The following PCYT2 variants were observed in gnomAD, a reference collection of about 807,000 sequenced individuals.
The protein encoded by PCYT2 is phosphate cytidylyltransferase 2, ethanolamine.
In PCYT2, 33 loss-of-function variants were observed where a neutral mutation model predicts 50.0. The observed-to-expected ratio is 0.66, with a 90% CI of 0.50 to 0.88. PCYT2 has a LOEUF of 0.88. Among genes scored for constraint, PCYT2 ranks in the 40% least tolerant of loss-of-function variants. PCYT2 has a pLI of 0.00. For missense variants in PCYT2, 430 were observed against 519.7 expected (o/e 0.83, Z 1.68); for synonymous variants, 240 against 203.7 (o/e 1.18, Z -1.52).
At position 81,907,760 on chromosome 17, in the gene PCYT2, G is replaced by A. The variant is rs755913846; in HGVS notation, c.492+13C>T. 2.2e-5 allele frequency: 36 copies of A among 1,612,012 alleles called. No individual in the cohort carries two copies. The highest frequency in any genetic ancestry group is 3.3e-5 in the Admixed American group (2 of 59,990). ...TCGACCCAGGGGCCTCGGGGATTCCGCCGCCGACTCACCTGGCTGCTGTGA... is the reference window on the plus strand; with the variant it reads ...TCGACCCAGGGGCCTCGGGGATTCCACCGCCGACTCACCTGGCTGCTGTGA... On this transcript the variant is annotated intron_variant, in intron 5 of 12. Transcript: ENST00000538936.
chr17:81,906,660 A>G, intron 7 of PCYT2, 100 bp downstream of exon 7: 2 of 1,584,172 alleles, frequency 1.3e-6, no homozygotes, highest in Non-Finnish European at 1.7e-6. Flanking sequence ...TCCCCTGCAA[A>G]CCAGCCAGCC....
At chr17:81,909,361 T>G in intron 2 of PCYT2, 153 bp downstream of exon 2, 1 of 1,434,424 alleles carries the variant, frequency 7.0e-7, no homozygotes, top group Non-Finnish European at 9.2e-7. Context: ...CATTAGGCCA[T>G]CCTCAGCTGG....
In PCYT2 at chr17:81,907,482, A is replaced by G. The variant is rs1005963386; in HGVS notation, c.537+72T>C. The stretch of plus-strand genomic sequence containing the variant: ...CTCTGGGCTGGCCTTTCCCCAAGGG[A>G]TGGCTGGGACAGGTGGCCGGGGGAG... On this transcript the variant is annotated intron_variant, in intron 6 of 12. Transcript: ENST00000538936. 8 of 1,496,854 alleles carry G rather than the reference A, an allele frequency of 5.3e-6. No individual in the cohort carries two copies. The Middle Eastern group carries it at 8.5e-4, about 160-fold the overall frequency. 92.7% of individuals were successfully genotyped at this position (1,496,854 alleles called of 1,614,324 possible). A position where few individuals can be genotyped will look rare whatever the true frequency, so the allele number is the denominator to read the frequency against.
At position 81,911,284 on chromosome 17, in the gene PCYT2, C is replaced by T. The variant is rs1324032134; in HGVS notation, c.72G>A (p.Arg24=). The part of the protein sequence containing the change: ...QPGPGGRRAV[R]VWCDGCYDMV... ...GCGCTCACCAGCCATCGCACCACAC[C>T]CTCACGGCGCGCCTGCCCCCCGGGC... Residue 24 remains arginine (R), a synonymous_variant, in exon 1 of 13, where the codon AGG becomes AGA. Transcript: ENST00000538936. 77 of 1,133,958 alleles carry T rather than the reference C, an allele frequency of 6.8e-5. No individual in the cohort carries two copies. Among genetic ancestry groups the T allele is most frequent in the Non-Finnish European group, 8.3e-5 (76 of 912,996 alleles). The allele number at this position is 1,133,958 out of a possible 1,614,324, so 70.2% of individuals were successfully genotyped here. A position where few individuals can be genotyped will look rare whatever the true frequency, so the allele number is the denominator to read the frequency against.
In PCYT2 at chr17:81,905,070, T is replaced by G. The variant is rs1209858043; in HGVS notation, c.1054A>C (p.Asn352His). ...GGTGCCCCCACCCAACTGCACCTGT[T>G]GGTGATGATCCGCTGGACGATGAGG... ...TDLIVQRIIT[N>H]RLEYEARNQK... Residue 352 changes from asparagine to histidine, a missense_variant, in exon 12 of 13, where the codon AAC becomes CAC. Coordinates refer to ENST00000538936, the MANE Select transcript of PCYT2 (RefSeq NM_002861.5). 1 of 1,610,810 alleles carries G rather than the reference T, an allele frequency of 6.2e-7. No individual in the cohort carries two copies. The highest frequency in any genetic ancestry group is 1.1e-5 in the South Asian group (1 of 90,956).
chr17:81,902,017 T>C lies in PCYT2; in HGVS notation c.*2816A>G. ...CCGGGCCTGAAGGGCGCGAGCGGCA[T>C]GGGTGGGGAGCTTGAGGGGGCGTTG... is the stretch of plus-strand genomic sequence containing the variant. On this transcript the variant is annotated 3_prime_UTR_variant, in exon 13 of 13. Coordinates refer to ENST00000538936, the MANE Select transcript of PCYT2 (RefSeq NM_002861.5). The C allele has an allele frequency of 4.0e-6, 1 of 250,936 alleles. No individual in the cohort carries two copies. The allele number at this position is 250,936 out of a possible 1,614,324, so 15.5% of individuals were successfully genotyped here.
chr17:81,902,821 G>A lies in PCYT2; in HGVS notation c.*2012C>T, dbSNP rs1210664706. On this transcript the variant is annotated 3_prime_UTR_variant, in exon 13 of 13. Transcript: ENST00000538936. ...CCACTCGGTGACCCCAGGCCCCTCC[G>A]GCGCGGGATGGCGCCCCAGGTCTCC... is the stretch of plus-strand genomic sequence containing the variant. The A allele has an allele frequency of 7.4e-7, 1 of 1,352,756 alleles. No homozygotes were observed. Among genetic ancestry groups the A allele is most frequent in the Non-Finnish European group, 9.9e-7 (1 of 1,006,122 alleles). The allele number at this position is 1,352,756 out of a possible 1,614,324, so 83.8% of individuals were successfully genotyped here.
rs918666118 is a variant in PCYT2 at position 81,906,681 on chromosome 17, G to A, written c.676+79C>T. 5.0e-6 allele frequency: 8 copies of A among 1,593,826 alleles called. No individual in the cohort carries two copies. The African/African-American group carries it at 6.7e-5, about 13-fold the overall frequency. On this transcript the variant is annotated intron_variant, in intron 7 of 12. Transcript: ENST00000538936. ...GCAAACCAGCCAGCCCAGTCTGGGG[G>A]CCCCAAGGAGTCAAGTGAGGCCCCC...
In PCYT2 at chr17:81,908,982, C is replaced by T. The variant is rs779175108; in HGVS notation, c.234G>A (p.Lys78=). The change falls in exon 3 of 13, where the codon AAG becomes AAA. Residue 78 remains lysine, a synonymous_variant. Transcript: ENST00000538936. ...PPVFTQEERY[K]MVQAIKWVDE... ...CCACCCATTTGATGGCCTGCACCAT[C>T]TTGTATCTCTCCTCCTGAGTGAACA... 1.9e-6 allele frequency: 3 copies of T among 1,613,968 alleles called. No individual in the cohort carries two copies. Among genetic ancestry groups the T allele is most frequent in the Non-Finnish European group, 2.5e-6 (3 of 1,180,008 alleles).
At chr17:81,907,904 G>T in intron 4 of PCYT2, 47 bp from the exon 5 acceptor site, 1 of 1,488,404 alleles carries the variant, frequency 6.7e-7, no homozygotes, top group Non-Finnish European at 9.2e-7. Context: ...ACACTCGCAA[G>T]GCTCTGCCTC....
intron 9 of PCYT2, 155 bp downstream of exon 9, chr17:81,905,945 A>G (rs1256710810): frequency 1.3e-6 from 1 of 757,302 alleles, no homozygotes; most frequent in Non-Finnish European, 2.2e-6. Context: ...ATGCCTCAAC[A>G]AACAGGTATG....
Position 81,903,293 on chromosome 17 carries a change from A to C in PCYT2, c.*1540T>G, listed in dbSNP as rs945322742. ...GGCAAGGAGGAGAGTTGGGGGCCTG[A>C]GCCCTGGCTCCAGAGGCCCAGAGCA... On this transcript the variant is annotated 3_prime_UTR_variant, in exon 13 of 13. Transcript: ENST00000538936. The C allele has an allele frequency of 6.5e-6, 1 of 153,552 alleles. No individual in the cohort carries two copies. Among genetic ancestry groups the C allele is most frequent in the Non-Finnish European group, 1.4e-5 (1 of 68,972 alleles). The allele number at this position is 153,552 out of a possible 1,614,324, so 9.5% of individuals were successfully genotyped here.
chr17:81,907,901 C>T, intron 4 of PCYT2, 44 bp from the exon 5 acceptor site: 1 of 1,504,598 alleles, frequency 6.6e-7, no homozygotes. Flanking sequence ...GGGACACTCG[C>T]AAGGCTCTGC....
chr17:81,905,670 C>G lies in PCYT2; in HGVS notation c.903G>C (p.Lys301Asn). 4 of 1,613,326 alleles carry G rather than the reference C, an allele frequency of 2.5e-6. No individual in the cohort carries two copies. The highest frequency in any genetic ancestry group is 3.4e-6 in the Non-Finnish European group (4 of 1,179,752). ...GAGGTGAGCCCATGCGGAGCCTCACCTTGAAGTGACTTAGGAGCTCTGCTG... is the reference window on the plus strand; with the variant it reads ...GAGGTGAGCCCATGCGGAGCCTCACGTTGAAGTGACTTAGGAGCTCTGCTG... ...AVTAELLSHFKVDLVCHGKTE... is the reference protein window; with the variant it reads ...AVTAELLSHFNVDLVCHGKTE... The change falls in exon 10 of 13, where the codon AAG (lysine) becomes AAC (asparagine). Residue 301 changes from lysine (K) to asparagine (N), a missense_variant and splice_region_variant. Transcript: ENST00000538936.
intron 10 of PCYT2, 61 bp downstream of exon 10, chr17:81,905,609 C>T: frequency 1.3e-6 from 2 of 1,543,170 alleles, no homozygotes; most frequent in South Asian, 1.1e-5. Context: ...GCCTGCATTC[C>T]CAGCCCATGC....
Position 81,902,472 on chromosome 17 carries a change from G to A in PCYT2, c.*2361C>T. On this transcript the variant is annotated 3_prime_UTR_variant, in exon 13 of 13. Transcript: ENST00000538936. ...AGCCCTACAGAGGGGCGGAACCCCC[G>A]GGCGGGGCCGGCGCCTCCCCGGAGC... 2.2e-6 allele frequency: 3 copies of A among 1,390,920 alleles called. No individual in the cohort carries two copies. Among genetic ancestry groups the A allele is most frequent in the Non-Finnish European group, 2.8e-6 (3 of 1,081,364 alleles). The allele number at this position is 1,390,920 out of a possible 1,614,324, so 86.2% of individuals were successfully genotyped here. A position where few individuals can be genotyped will look rare whatever the true frequency, so the allele number is the denominator to read the frequency against.
chr17:81,907,342 G>GTGATTGTAGTGAT, intron 6 of PCYT2: 1 of 1,350,834 alleles, frequency 7.4e-7, no homozygotes, highest in Non-Finnish European at 1.0e-6. Flanking sequence ...AGTGGCTGCC[G>GTGATTGTAGTGAT]TGACCGGCCA....
Position 81,911,315 on chromosome 17 carries a change from T to C in PCYT2, c.41A>G (p.Gln14Arg). 1 of 1,124,324 alleles carries C rather than the reference T, an allele frequency of 8.9e-7. No homozygotes were observed. Among genetic ancestry groups the C allele is most frequent in the Non-Finnish European group, 1.1e-6 (1 of 909,238 alleles). The allele number at this position is 1,124,324 out of a possible 1,614,324, so 69.6% of individuals were successfully genotyped here. A position where few individuals can be genotyped will look rare whatever the true frequency, so the allele number is the denominator to read the frequency against. The part of the protein sequence containing the change: ...NGRGAAGGAE[Q>R]PGPGGRRAVR... Reference sequence around the variant, plus strand: ...GGCGCGCCTGCCCCCCGGGCCCGGCTGCTCTGCGCCGCCTGCAGCCCCGCG... The same window carrying C: ...GGCGCGCCTGCCCCCCGGGCCCGGCCGCTCTGCGCCGCCTGCAGCCCCGCG... The change falls in exon 1 of 13, where the codon CAG (glutamine) becomes CGG (arginine). Residue 14 changes from glutamine (Q) to arginine (R), a missense_variant. Around this residue, in one of 4 missense-constraint regions of PCYT2, gnomAD observed 63 missense variants for 37.5 expected, o/e 1.68. Coordinates refer to ENST00000538936, the MANE Select transcript of PCYT2 (RefSeq NM_002861.5).
At chr17:81,905,984 G>C in intron 9 of PCYT2, 116 bp downstream of exon 9, 1 of 914,664 alleles carries the variant, frequency 1.1e-6, no homozygotes, top group Non-Finnish European at 1.7e-6. Context: ...CGGGGTGCTG[G>C]GTGCAGCTCT....
Sources: gnomAD v4.1 joint callset for allele counts on GRCh38, gnomAD v4.1.1 for gene constraint, gnomAD v4.1.1 regional missense constraint, MANE v1.5 for transcripts, NCBI Gene and HGNC (gene_info 2026-07-23, HGNC 2026-07-21) for gene names.